The following MBIP variants were observed in gnomAD, a reference collection of about 807,000 sequenced individuals.
The protein encoded by MBIP is MAP3K12 binding inhibitory protein 1, also known as MAP3K12-binding inhibitory protein 1.
A neutral mutation model predicts 45.7 loss-of-function variants in MBIP; 32 were observed. The ratio of observed to expected loss-of-function variants is 0.70; its 90% CI spans 0.53 to 0.94. The LOEUF (loss-of-function observed/expected upper bound fraction) is 0.94. Among genes scored for constraint, MBIP ranks in the 40% least tolerant of loss-of-function variants. The pLI, the probability that MBIP is intolerant of heterozygous loss-of-function variation, is 0.00. For missense variants in MBIP, 381 were observed against 405.5 expected, an observed-to-expected ratio of 0.94 and a Z score of 0.52; for synonymous variants, 145 against 141.0, an observed-to-expected ratio of 1.03 and a Z score of -0.20.
In MBIP at chr14:36,299,046, T is replaced by C. The variant is rs1879365209; in HGVS notation, c.*37A>G. 3 of 1,422,306 alleles carry C rather than the reference T, an allele frequency of 2.1e-6. No homozygotes were observed. The highest frequency in any genetic ancestry group is 2.3e-5 in the East Asian group (1 of 43,910). 88.1% of individuals were successfully genotyped at this position (1,422,306 alleles called of 1,614,324 possible). A position where few individuals can be genotyped will look rare whatever the true frequency, so the allele number is the denominator to read the frequency against. The stretch of plus-strand genomic sequence containing the variant: ...TAACAGTGTAAGTTACACATATGTA[T>C]ACAAAAAAGTAAAATGACAAGGATG... On this transcript the variant is annotated 3_prime_UTR_variant, in exon 9 of 9. Transcript: ENST00000416007.
rs781399602 is a variant in MBIP at position 36,308,032 on chromosome 14, C to T, written c.888+60G>A. ...ATAGATCAATGAGTGACTGTTAAACCACAAAGAATCCAGAATACAATAACA... is the reference window on the plus strand; with the variant it reads ...ATAGATCAATGAGTGACTGTTAAACTACAAAGAATCCAGAATACAATAACA... On this transcript the variant is annotated intron_variant, in intron 7 of 8. Coordinates refer to ENST00000416007, the MANE Select transcript of MBIP (RefSeq NM_016586.3). 8.5e-6 allele frequency: 8 copies of T among 942,636 alleles called. 1 individual carries two copies. The South Asian group carries it at 1.2e-4, about 14-fold the overall frequency. The allele number at this position is 942,636 out of a possible 1,614,324, so 58.4% of individuals were successfully genotyped here.
At chr14:36,315,048 T>A (rs1352246663) in intron 2 of MBIP, 133 bp from the exon 3 acceptor site, 2 of 623,296 alleles carry the variant, frequency 3.2e-6, no homozygotes, top group Non-Finnish European at 5.6e-6. Context: ...AAAGTTGGTA[T>A]ACCAGGACAC....
chr14:36,314,445 TAAAA>T, intron 4 of MBIP, 63 bp downstream of exon 4: 3 of 877,688 alleles, frequency 3.4e-6, no homozygotes, highest in Non-Finnish European at 5.2e-6. Flanking sequence ...AAAAAATAAA[TAAAA>T]GATTAGAGCA....
At position 36,314,683 on chromosome 14, in the gene MBIP, C is replaced by G. The variant is rs1331328381; in HGVS notation, c.474+8G>C. On this transcript the variant is annotated splice_region_variant and intron_variant, in intron 3 of 8. Coordinates refer to ENST00000416007, the MANE Select transcript of MBIP (RefSeq NM_016586.3). The stretch of plus-strand genomic sequence containing the variant: ...TACCCTCTCGCCCCCGCCAAAAAAC[C>G]TTCTTACTTCTGCTTTTCCAGCCTT... 6.2e-7 allele frequency: 1 copy of G among 1,611,864 alleles called. No homozygotes were observed. Among genetic ancestry groups the G allele is most frequent in the Non-Finnish European group, 8.5e-7 (1 of 1,178,738 alleles).
At chr14:36,314,068 C>G (rs1244672163) in intron 4 of MBIP, 3 of 153,588 alleles carry the variant, frequency 2.0e-5, no homozygotes, top group African/African-American at 7.2e-5. Flanking sequence ...CAGGACATTT[C>G]AAACAGCTCA....
chr14:36,302,299 T>A (rs1594506369), intron 7 of MBIP, among the ~76,000 whole-genome samples: 1 of 152,116 alleles, frequency 6.6e-6, no homozygotes, highest in East Asian at 1.9e-4. Context: ...AAGGCCATCC[T>A]GGCTAACATG....
intron 7 of MBIP, among the ~76,000 whole-genome samples, chr14:36,302,555 T>C (rs961965389): frequency 6.7e-6 from 1 of 148,626 alleles, no homozygotes; most frequent in African/African-American, 2.5e-5. Flanking sequence ...ACCTGTAATA[T>C]ATTGATAGTT....
At chr14:36,303,315 C>T (rs1289274889) in intron 7 of MBIP, among the ~76,000 whole-genome samples, 1 of 152,170 alleles carries the variant, frequency 6.6e-6, no homozygotes, top group Non-Finnish European at 1.5e-5. Context: ...AAAATTGTCT[C>T]TCCTCACCCA....
chr14:36,320,099 C>A (rs570108947), intron 1 of MBIP, among the ~76,000 whole-genome samples: 124 of 152,232 alleles, frequency 8.1e-4, no homozygotes, highest in African/African-American at 2.7e-3. Context: ...CAACCAATTC[C>A]CATAAAGAGT....
chr14:36,315,299 C>T (rs572837929), intron 2 of MBIP, among the ~76,000 whole-genome samples: 2 of 152,090 alleles, frequency 1.3e-5, no homozygotes, highest in East Asian at 1.9e-4. Context: ...CATTCAAATG[C>T]CTCCTCAGAA....
chr14:36,301,930 A>G (rs1879581663), intron 7 of MBIP, among the ~76,000 whole-genome samples: 1 of 152,268 alleles, frequency 6.6e-6, no homozygotes, highest in Admixed American at 6.5e-5. Flanking sequence ...TAAAGACAGC[A>G]TTAAAACTCA....
chr14:36,311,922 C>G (rs1201021642), intron 5 of MBIP, 37 bp downstream of exon 5: 3 of 1,456,536 alleles, frequency 2.1e-6, no homozygotes, highest in Non-Finnish European at 2.8e-6. Context: ...ATCTAGACTT[C>G]TGTCAGTGAC....
Position 36,311,691 on chromosome 14 carries a change from A to G in MBIP, c.672T>C (p.Thr224=), listed in dbSNP as rs1880220924. 6.2e-7 allele frequency: 1 copy of G among 1,613,246 alleles called. No homozygotes were observed. The highest frequency in any genetic ancestry group is 1.7e-5 in the Admixed American group (1 of 59,918). Residue 224 remains threonine, a synonymous_variant, in exon 6 of 9, where the codon ACT becomes ACC. Transcript: ENST00000416007. ...CTGACCCTGGAATTCCTTCAGGTCT[A>G]GTCTGTGGTCCGTATGTATTCACAA... ...SRVVNTYGPQ[T]RPEGIPGSGH...
chr14:36,315,811 G>A (rs1342426660), intron 2 of MBIP, among the ~76,000 whole-genome samples: 2 of 152,060 alleles, frequency 1.3e-5, no homozygotes, highest in African/African-American at 2.4e-5. Context: ...TATTCCATTA[G>A]TCAAAACACA....
At chr14:36,313,489 T>G (rs1246715469) in intron 4 of MBIP, 1 of 152,160 alleles carries the variant, frequency 6.6e-6, no homozygotes, top group Non-Finnish European at 1.5e-5. Context: ...ATAACATTAG[T>G]GACACATGTG....
At position 36,308,073 on chromosome 14, in the gene MBIP, A is replaced by C. The variant is rs746440904; in HGVS notation, c.888+19T>G. The C allele has an allele frequency of 5.4e-6, 7 of 1,296,258 alleles. No individual in the cohort carries two copies. The South Asian group carries it at 7.5e-5, about 14-fold the overall frequency. The allele number at this position is 1,296,258 out of a possible 1,614,324, so 80.3% of individuals were successfully genotyped here. A position where few individuals can be genotyped will look rare whatever the true frequency, so the allele number is the denominator to read the frequency against. ...TACAATAACATTTTCATTTATTTTT[A>C]AAAGACACTTATACTCACTACAGAC... On this transcript the variant is annotated intron_variant, in intron 7 of 8. Coordinates refer to ENST00000416007, the MANE Select transcript of MBIP (RefSeq NM_016586.3).
At position 36,320,607 on chromosome 14, in the gene MBIP, C is replaced by CCCACCACCA. The variant is rs28372966; in HGVS notation, c.-28_-20dup. ...CAGCCATGATATCTTCTCAGGCCGC[C>CCCACCACCA]CCACCACCACCACCACCAAGATTTG... On this transcript the variant is annotated 5_prime_UTR_variant, in exon 1 of 9. Coordinates refer to ENST00000416007, the MANE Select transcript of MBIP (RefSeq NM_016586.3). 30 of 1,548,908 alleles carry CCCACCACCA rather than the reference C, an allele frequency of 1.9e-5. No homozygotes were observed. In the Admixed American group the frequency reaches 3.2e-4, roughly 17 times the overall value.
At chr14:36,303,399 T>C (rs1203444992) in intron 7 of MBIP, among the ~76,000 whole-genome samples, 1 of 152,168 alleles carries the variant, frequency 6.6e-6, no homozygotes, top group African/African-American at 2.4e-5. Context: ...TGTGTTAATT[T>C]TGTCATTGTG....
At chr14:36,309,413 T>A (rs751033190) in intron 6 of MBIP, among the ~76,000 whole-genome samples, 29 of 152,344 alleles carry the variant, frequency 1.9e-4, no homozygotes, top group Admixed American at 1.3e-3. Context: ...GCTTGTGCAC[T>A]GCACAAACCT....
Sources: allele counts gnomAD v4.1 joint callset (sites outside exome capture counted in the v4.1 genomes callset), GRCh38; gene constraint gnomAD v4.1.1; transcripts MANE v1.5; gene names NCBI Gene and HGNC (gene_info 2026-07-23, HGNC 2026-07-21).